The following CTDSP2 variants were observed in gnomAD, a reference collection of about 807,000 sequenced individuals.
The protein encoded by CTDSP2 is CTD small phosphatase 2.
Under a neutral mutation model 31.6 loss-of-function variants are expected in CTDSP2, and 9 were observed. That is an observed-to-expected ratio of 0.28 (90% CI 0.17 to 0.50). CTDSP2 has a LOEUF of 0.50. CTDSP2 is among the 20% of genes least tolerant of loss of function. The probability of loss-of-function intolerance (pLI) is 0.98; values close to 1 mark genes in which losing one functional copy is unlikely to be tolerated. For synonymous variants in CTDSP2, 134 were observed against 134.5 expected (o/e 1.00, Z 0.03); for missense variants, 267 against 348.5 (o/e 0.77, Z 1.86).
chr12:57,823,085 G>C lies in CTDSP2; in HGVS notation c.*517C>G, dbSNP rs796638719. The C allele has an allele frequency of 6.4e-6, 1 of 156,602 alleles. No individual in the cohort carries two copies. Among genetic ancestry groups the C allele is most frequent in the South Asian group, 1.9e-4 (1 of 5,206 alleles). The allele number at this position is 156,602 out of a possible 1,614,324, so 9.7% of individuals were successfully genotyped here. A position where few individuals can be genotyped will look rare whatever the true frequency, so the allele number is the denominator to read the frequency against. On this transcript the variant is annotated 3_prime_UTR_variant, in exon 8 of 8. Coordinates refer to ENST00000398073, the MANE Select transcript of CTDSP2 (RefSeq NM_005730.4). ...CCAGAAATGTGATCTTTTGTCTGCA[G>C]CAGCTGGCTGGAGAAGGATTTCAGA... is the stretch of plus-strand genomic sequence containing the variant.
At chr12:57,837,664 C>A (rs1956256289) in intron 1 of CTDSP2, among the ~76,000 whole-genome samples, 1 of 152,086 alleles carries the variant, frequency 6.6e-6, no homozygotes, top group Non-Finnish European at 1.5e-5. Context: ...GCACTCCAGC[C>A]TGGGGGACAG....
At chr12:57,842,387 T>G (rs1956287649) in intron 1 of CTDSP2, 1 of 152,104 alleles carries the variant, frequency 6.6e-6, no homozygotes, top group Non-Finnish European at 1.5e-5. Context: ...TGCTACCCAG[T>G]TTCTTTAAGA....
At chr12:57,824,369 T>G in intron 5 of CTDSP2, 50 bp from the exon 6 acceptor site, 1 of 1,355,902 alleles carries the variant, frequency 7.4e-7, no homozygotes, top group Non-Finnish European at 1.1e-6. Flanking sequence ...GATGAAGGTT[T>G]GCAGTACTGG....
At chr12:57,841,787 C>G (rs894063578) in intron 1 of CTDSP2, among the ~76,000 whole-genome samples, 6 of 152,060 alleles carry the variant, frequency 3.9e-5, no homozygotes, top group Non-Finnish European at 8.8e-5. Flanking sequence ...TGGAGGAGGG[C>G]GAACAGAGTA....
chr12:57,827,534 C>G lies in CTDSP2; in HGVS notation c.252+18G>C, dbSNP rs371053438. 6.2e-7 allele frequency: 1 copy of G among 1,613,814 alleles called. No individual in the cohort carries two copies. The highest frequency in any genetic ancestry group is 1.3e-5 in the African/African-American group (1 of 75,020). On this transcript the variant is annotated intron_variant, in intron 3 of 7. Coordinates refer to ENST00000398073, the MANE Select transcript of CTDSP2 (RefSeq NM_005730.4). ...AGGATCCTGGCTTCTGAGTACTTACCAGGCCAGAGTCACGTACCTGGTAGA... is the reference window on the plus strand; with the variant it reads ...AGGATCCTGGCTTCTGAGTACTTACGAGGCCAGAGTCACGTACCTGGTAGA...
chr12:57,846,213 G>A (rs1223590414), intron 1 of CTDSP2, among the ~76,000 whole-genome samples, 159 bp downstream of exon 1: 2 of 152,234 alleles, frequency 1.3e-5, no homozygotes, highest in Non-Finnish European at 2.9e-5. Context: ...GGAGGTCTGA[G>A]TGCCAGCCGG....
At chr12:57,838,724 G>A (rs1056117490) in intron 1 of CTDSP2, among the ~76,000 whole-genome samples, 5 of 152,356 alleles carry the variant, frequency 3.3e-5, no homozygotes, top group East Asian at 1.9e-4. Flanking sequence ...ACTTGAGTTC[G>A]AATCTAGGCT....
chr12:57,823,282 AGTCTTGGTCTTT>A lies in CTDSP2; in HGVS notation c.*308_*319del. On this transcript the variant is annotated 3_prime_UTR_variant, in exon 8 of 8. Coordinates refer to ENST00000398073, the MANE Select transcript of CTDSP2 (RefSeq NM_005730.4). ...AGAGGAGACAAGCTAACTTGGGAAG[AGTCTTGGTCTTT>A]CAGCTTCTCCCCCACTGAAACACTA... 2.8e-6 allele frequency: 1 copy of A among 363,470 alleles called. No individual in the cohort carries two copies. Among genetic ancestry groups the A allele is most frequent in the Non-Finnish European group, 5.2e-6 (1 of 190,986 alleles). 22.5% of individuals were successfully genotyped at this position (363,470 alleles called of 1,614,324 possible). A position where few individuals can be genotyped will look rare whatever the true frequency, so the allele number is the denominator to read the frequency against.
chr12:57,822,103 CAGG>C lies in CTDSP2; in HGVS notation c.*1496_*1498del, dbSNP rs377128144. ...TGGGAACAGGAGCGCCCTCCCACCC[CAGG>C]AGGAGGGAGGGAGGGAGGAGAGAAC... On this transcript the variant is annotated 3_prime_UTR_variant, in exon 8 of 8. Transcript: ENST00000398073. 3.9e-4 allele frequency: 59 copies of C among 152,412 alleles called. No individual in the cohort carries two copies. Among genetic ancestry groups the C allele is most frequent in the African/African-American group, 1.3e-3 (56 of 41,516 alleles). 9.4% of individuals were successfully genotyped at this position (152,412 alleles called of 1,614,324 possible).
chr12:57,823,710 C>G lies in CTDSP2; in HGVS notation c.708G>C (p.Trp236Cys). The G allele has an allele frequency of 6.2e-7, 1 of 1,614,062 alleles. No homozygotes were observed. The highest frequency in any genetic ancestry group is 8.5e-7 in the Non-Finnish European group (1 of 1,180,028). ...HPENAVPVQS[W>C]FDDMADTELL... ...ACTCAGTGTCTGCCATGTCATCAAA[C>G]CAGGACTGCACAGGCACCTGGTGGG... Residue 236 changes from tryptophan (W) to cysteine (C), a missense_variant, in exon 8 of 8, where the codon TGG becomes TGC. Physicochemically the swap from Trp to Cys is radical, Grantham distance 215. This residue lies in a region of CTDSP2 where 156 missense variants were observed against 241.3 expected (regional missense o/e 0.65). Transcript: ENST00000398073.
rs770163354 is a variant in CTDSP2 at position 57,823,741 on chromosome 12, G to A, written c.691-14C>T. On this transcript the variant is annotated splice_polypyrimidine_tract_variant and intron_variant, in intron 7 of 7. Transcript: ENST00000398073. ...CTGCACAGGCACCTGGTGGGGGGAA[G>A]ATGTGGTGTCAATCTCCCGACTGCT... 5 of 1,613,644 alleles carry A rather than the reference G, an allele frequency of 3.1e-6. No individual in the cohort carries two copies. The highest frequency in any genetic ancestry group is 1.1e-5 in the South Asian group (1 of 91,080).
intron 5 of CTDSP2, among the ~76,000 whole-genome samples, chr12:57,825,238 T>C (rs1351448757): frequency 1.3e-5 from 2 of 152,136 alleles, no homozygotes; most frequent in Non-Finnish European, 2.9e-5. Flanking sequence ...AGGCCTGAAC[T>C]GGCCACCAAC....
intron 1 of CTDSP2, 83 bp downstream of exon 1, chr12:57,846,289 G>A (rs1956315699): frequency 2.2e-6 from 3 of 1,342,368 alleles, no homozygotes; most frequent in African/African-American, 3.0e-5. Context: ...TGGAGGTCAA[G>A]GGCCGAGACC....
At chr12:57,829,820 C>T (rs1956204357) in intron 1 of CTDSP2, among the ~76,000 whole-genome samples, 1 of 152,164 alleles carries the variant, frequency 6.6e-6, no homozygotes, top group Non-Finnish European at 1.5e-5. Flanking sequence ...GCTTGGGAGA[C>T]CTGAGCCACA....
In CTDSP2 at chr12:57,824,483, C is replaced by G. The variant is rs1956170324; in HGVS notation, c.412-164G>C. ...TGCGGCCCCCTGAGACCCCACAGAC[C>G]CGGAGAACTGGCTGTACCCCTCACC... On this transcript the variant is annotated intron_variant, in intron 5 of 7. Coordinates refer to ENST00000398073, the MANE Select transcript of CTDSP2 (RefSeq NM_005730.4). 8.9e-6 allele frequency: 6 copies of G among 673,634 alleles called. No individual in the cohort carries two copies. The East Asian group carries it at 1.7e-4, about 19-fold the overall frequency. 41.7% of individuals were successfully genotyped at this position (673,634 alleles called of 1,614,324 possible).
At chr12:57,834,397 T>C (rs1300580475) in intron 1 of CTDSP2, among the ~76,000 whole-genome samples, 3 of 152,156 alleles carry the variant, frequency 2.0e-5, no homozygotes, top group African/African-American at 7.2e-5. Flanking sequence ...CCCCAGGTTT[T>C]CTTGGGCAGG....
rs967691296 is a variant in CTDSP2, at chr12:57,832,351, C to T, written c.65-2755G>A. On this transcript the variant is annotated intron_variant, in intron 1 of 7. Transcript: ENST00000398073. ...TGTGCTGGGGACATCCCCCAGAGCC[C>T]TTTATCAAGGAGAAAAAATTCAGCA... is the stretch of plus-strand genomic sequence containing the variant. 2.6e-5 allele frequency among the ~76,000 whole-genome samples: 4 copies of T among 152,290 alleles called. No homozygotes were observed. In the East Asian group the frequency reaches 7.7e-4, roughly 29 times the overall value.
At chr12:57,828,088 G>C (rs1406287299) in intron 2 of CTDSP2, among the ~76,000 whole-genome samples, 1 of 152,152 alleles carries the variant, frequency 6.6e-6, no homozygotes, top group Non-Finnish European at 1.5e-5. Context: ...GGAGTGCAGA[G>C]AGATCAGCAA....
At chr12:57,834,565 G>A (rs958598108) in intron 1 of CTDSP2, among the ~76,000 whole-genome samples, 4 of 152,222 alleles carry the variant, frequency 2.6e-5, no homozygotes, top group African/African-American at 9.7e-5. Flanking sequence ...GGAGCCAGGA[G>A]CTTTGGTCCA....
Sources: allele counts gnomAD v4.1 joint callset (sites outside exome capture counted in the v4.1 genomes callset), GRCh38; gene constraint gnomAD v4.1.1; regional missense constraint gnomAD v4.1.1; transcripts MANE v1.5; gene names NCBI Gene and HGNC (gene_info 2026-07-23, HGNC 2026-07-21).